GPC5: variants seen among roughly 807,000 people sequenced by gnomAD.
The protein encoded by GPC5 is glypican-5.
In GPC5, 47 loss-of-function variants were observed where a neutral mutation model predicts 53.9. That is an observed-to-expected ratio of 0.87 (90% CI 0.69 to 1.11). The LOEUF (loss-of-function observed/expected upper bound fraction) is 1.11, where lower values mean the gene tolerates loss of function less well. GPC5 is among the 50% of genes most tolerant of loss of function. GPC5 has a pLI of 0.00. For synonymous variants in GPC5, 286 were observed against 263.3 expected (o/e 1.09, Z -0.84); for missense variants, 748 against 713.1 (o/e 1.05, Z -0.56).
intron 7 of GPC5, among the ~76,000 whole-genome samples, chr13:92,524,095 A>C (rs1594274706): frequency 6.6e-6 from 1 of 152,054 alleles, no homozygotes; most frequent in African/African-American, 2.4e-5. Context: ...ACAATGATAA[A>C]GTTTGCCACA....
chr13:92,139,928 A>G (rs144873956), intron 6 of GPC5, among the ~76,000 whole-genome samples: 1,787 of 152,306 alleles, frequency 0.012, 15 homozygotes, highest in Non-Finnish European at 0.019. Flanking sequence ...CAATGTGGTA[A>G]GTACTCTAGT....
intron 7 of GPC5, among the ~76,000 whole-genome samples, chr13:92,210,611 C>G (rs990383073): frequency 2.0e-5 from 3 of 151,792 alleles, no homozygotes; most frequent in Non-Finnish European, 4.4e-5. Context: ...TTTTTGAATA[C>G]TGAGACCATG....
At chr13:92,074,113 G>A (rs746323234) in intron 6 of GPC5, among the ~76,000 whole-genome samples, 25 of 152,244 alleles carry the variant, frequency 1.6e-4, no homozygotes, top group African/African-American at 5.8e-4. Context: ...CTGAAACATC[G>A]TGAGTGAATA....
chr13:92,569,609 G>A (rs1253324652), intron 7 of GPC5, among the ~76,000 whole-genome samples: 1 of 152,108 alleles, frequency 6.6e-6, no homozygotes, highest in East Asian at 1.9e-4. Context: ...AAAAACACCC[G>A]AACACCTGGC....
At chr13:92,537,493 G>C (rs1032078588) in intron 7 of GPC5, among the ~76,000 whole-genome samples, 1 of 152,064 alleles carries the variant, frequency 6.6e-6, no homozygotes, top group Admixed American at 6.6e-5. Flanking sequence ...ATATGCACAG[G>C]CTTATCTGAA....
At chr13:92,533,198 A>C (rs1309783629) in intron 7 of GPC5, among the ~76,000 whole-genome samples, 1 of 152,180 alleles carries the variant, frequency 6.6e-6, no homozygotes, top group African/African-American at 2.4e-5. Context: ...CTTTTTAAAT[A>C]AAATATGTAT....
At chr13:92,475,079 G>T (rs1249401003) in intron 7 of GPC5, among the ~76,000 whole-genome samples, 1 of 152,074 alleles carries the variant, frequency 6.6e-6, no homozygotes. Context: ...AACTGTGGAG[G>T]CAAGGACACA....
chr13:91,749,530 G>C (rs2037124102), intron 4 of GPC5, among the ~76,000 whole-genome samples: 1 of 152,000 alleles, frequency 6.6e-6, no homozygotes, highest in African/African-American at 2.4e-5. Context: ...TTTTCCTTTG[G>C]GTAAATACCA....
At chr13:92,095,002 C>T (rs116886021) in intron 6 of GPC5, among the ~76,000 whole-genome samples, 5,618 of 152,186 alleles carry the variant, frequency 0.037, 145 homozygotes, top group Middle Eastern at 0.054. Context: ...AAACACAAGA[C>T]TTTTGACCCA....
intron 4 of GPC5, among the ~76,000 whole-genome samples, chr13:91,732,287 A>T (rs984442309): frequency 8.6e-5 from 13 of 151,566 alleles, no homozygotes; most frequent in African/African-American, 3.2e-4. Context: ...ATGATCAGTG[A>T]TGTTGAGGTT....
At position 91,399,016 on chromosome 13, in the gene GPC5, C is replaced by T; in HGVS notation, c.-31C>T. On this transcript the variant is annotated 5_prime_UTR_variant, in exon 1 of 8. Transcript: ENST00000377067. The stretch of plus-strand genomic sequence containing the variant: ...GGGCGCGCAGGGCGAGTGGGGTCCA[C>T]TGGCGGGTAAAGGGGACCAGGACGG... 3.3e-6 allele frequency: 5 copies of T among 1,535,148 alleles called. No homozygotes were observed. The highest frequency in any genetic ancestry group is 4.4e-6 in the Non-Finnish European group (5 of 1,136,936).
intron 7 of GPC5, among the ~76,000 whole-genome samples, chr13:92,466,199 T>A (rs1474916899): frequency 7.3e-6 from 1 of 136,390 alleles, no homozygotes; most frequent in African/African-American, 2.8e-5. Flanking sequence ...AATATAAATA[T>A]AGTAGTAATA....
At chr13:91,824,265 A>C (rs759013094) in intron 5 of GPC5, among the ~76,000 whole-genome samples, 2 of 152,080 alleles carry the variant, frequency 1.3e-5, no homozygotes, top group Non-Finnish European at 2.9e-5. Context: ...GAAAGACAGA[A>C]AGATGAGATT....
chr13:92,316,569 G>A (rs1030044180), intron 7 of GPC5, among the ~76,000 whole-genome samples: 14 of 152,086 alleles, frequency 9.2e-5, no homozygotes, highest in African/African-American at 2.9e-4. Flanking sequence ...TAAGGACACA[G>A]TATGAGTTCT....
chr13:91,576,950 G>A (rs910144199), intron 2 of GPC5, among the ~76,000 whole-genome samples: 10 of 151,880 alleles, frequency 6.6e-5, no homozygotes, highest in Non-Finnish European at 7.4e-5. Context: ...AAATTTGTAT[G>A]TGAAAAGGCA....
chr13:91,909,512 A>G (rs769348701), intron 6 of GPC5, among the ~76,000 whole-genome samples: 2 of 152,156 alleles, frequency 1.3e-5, no homozygotes, highest in Non-Finnish European at 2.9e-5. Context: ...TCATTCTTTT[A>G]TATTACTTTG....
At chr13:92,691,298 C>T (rs1294935333) in intron 7 of GPC5, among the ~76,000 whole-genome samples, 3 of 130,656 alleles carry the variant, frequency 2.3e-5, no homozygotes, top group Non-Finnish European at 4.8e-5. Context: ...GTCTGAAAAG[C>T]GCAATATTCG....
At position 91,448,790 on chromosome 13, in the gene GPC5, A is replaced by G. The variant is rs1315873953; in HGVS notation, c.193A>G (p.Lys65Glu). The G allele has an allele frequency of 4.3e-6, 7 of 1,613,346 alleles. No individual in the cohort carries two copies. Among genetic ancestry groups the G allele is most frequent in the Non-Finnish European group, 5.1e-6 (6 of 1,179,654 alleles). The change falls in exon 2 of 8, where the codon AAG becomes GAG. Residue 65 changes from lysine (K) to glutamate (E), a missense_variant. Physicochemically the swap from Lys to Glu is moderately conservative, Grantham distance 56. Coordinates refer to ENST00000377067, the MANE Select transcript of GPC5 (RefSeq NM_004466.6). ...GPDLQVCISK[K>E]PTCCTRKMEE... is the part of the protein sequence containing the mutation. ...TGATCTTCAGGTTTGCATATCCAAA[A>G]AGCCTACATGTTGCACCAGGAAGAT...
intron 7 of GPC5, among the ~76,000 whole-genome samples, chr13:92,607,662 A>C (rs866398152): frequency 5.3e-5 from 8 of 152,296 alleles, no homozygotes; most frequent in Middle Eastern, 3.4e-3. Flanking sequence ...TTGATAAATA[A>C]AATTATATAT....
Sources: allele counts gnomAD v4.1 joint callset (sites outside exome capture counted in the v4.1 genomes callset), GRCh38; gene constraint gnomAD v4.1.1; transcripts MANE v1.5; gene names NCBI Gene and HGNC (gene_info 2026-07-23, HGNC 2026-07-21).